The following SGK1 variants were observed in gnomAD, a reference collection of about 807,000 sequenced individuals.
SGK1 encodes serine/threonine-protein kinase Sgk1.
SGK1 carries 26 observed loss-of-function variants against 64.2 expected under a neutral mutation model. That is an observed-to-expected ratio of 0.40 (90% CI 0.30 to 0.56). The LOEUF (loss-of-function observed/expected upper bound fraction) is 0.56, where lower values mean the gene tolerates loss of function less well. Ranked by LOEUF, SGK1 falls within the 20% of genes least tolerant of loss-of-function variation. The probability of loss-of-function intolerance (pLI) is 0.38; values close to 1 mark genes in which losing one functional copy is unlikely to be tolerated. For synonymous variants in SGK1, 265 were observed against 239.7 expected, an observed-to-expected ratio of 1.11 and a Z score of -0.98; for missense variants, 519 against 645.6, an observed-to-expected ratio of 0.80 and a Z score of 2.12.
At chr6:134,285,121 C>T (rs892930905) in intron 1 of SGK1, among the ~76,000 whole-genome samples, 1 of 151,912 alleles carries the variant, frequency 6.6e-6, no homozygotes, top group Non-Finnish European at 1.5e-5. Context: ...CTACTGTTTT[C>T]CATAGTGGTT....
At chr6:134,294,089 AAAC>A (rs1456626165) in intron 1 of SGK1, among the ~76,000 whole-genome samples, 1 of 152,188 alleles carries the variant, frequency 6.6e-6, no homozygotes, top group African/African-American at 2.4e-5. Context: ...TCCTGAGCAA[AAAC>A]AACAGCAAAG....
intron 3 of SGK1, among the ~76,000 whole-genome samples, chr6:134,199,142 A>G (rs1181725899): frequency 1.3e-5 from 2 of 152,188 alleles, no homozygotes; most frequent in East Asian, 1.9e-4. Flanking sequence ...AACAACAGAC[A>G]CTATGGTTTA....
intron 1 of SGK1, among the ~76,000 whole-genome samples, chr6:134,308,648 C>T (rs1777568967): frequency 6.6e-6 from 1 of 152,122 alleles, no homozygotes; most frequent in Non-Finnish European, 1.5e-5. Context: ...CCTCCACCCC[C>T]CGGGTTCAAG....
chr6:134,244,020 C>G (rs976514616), intron 2 of SGK1, among the ~76,000 whole-genome samples: 1 of 151,888 alleles, frequency 6.6e-6, no homozygotes. Flanking sequence ...GATACATGTG[C>G]AGAACATGCA....
chr6:134,199,296 C>A (rs1220417836), intron 3 of SGK1, among the ~76,000 whole-genome samples: 1 of 152,126 alleles, frequency 6.6e-6, no homozygotes, highest in Admixed American at 6.5e-5. Flanking sequence ...TGGTGGCTCA[C>A]GCCTGTAATC....
intron 1 of SGK1, among the ~76,000 whole-genome samples, chr6:134,293,064 A>G (rs190413400): frequency 3.9e-5 from 6 of 152,342 alleles, no homozygotes; most frequent in Non-Finnish European, 7.3e-5. Context: ...TGTGTGCCAT[A>G]AAAGACACGA....
chr6:134,247,041 A>G (rs1776535578), intron 2 of SGK1, among the ~76,000 whole-genome samples: 1 of 152,028 alleles, frequency 6.6e-6, no homozygotes, highest in Non-Finnish European at 1.5e-5. Context: ...ATAGCAAGTA[A>G]TATGCCCAGA....
At chr6:134,273,512 G>T (rs1478272857) in intron 1 of SGK1, among the ~76,000 whole-genome samples, 7 of 141,502 alleles carry the variant, frequency 4.9e-5, no homozygotes, top group African/African-American at 1.5e-4. Context: ...AGAATGGCGT[G>T]AACCCGGGAG....
intron 5 of SGK1, 123 bp downstream of exon 5, chr6:134,173,882 C>T: frequency 1.4e-6 from 1 of 690,762 alleles, no homozygotes; most frequent in Non-Finnish European, 2.5e-6. Flanking sequence ...CTTGTTATGC[C>T]ATAATGAAGC....
At chr6:134,268,435 G>T (rs1776887623) in intron 1 of SGK1, among the ~76,000 whole-genome samples, 1 of 152,074 alleles carries the variant, frequency 6.6e-6, no homozygotes, top group African/African-American at 2.4e-5. Flanking sequence ...AATAAATCAA[G>T]AATTCCCAGG....
At chr6:134,197,206 C>T (rs1339503848) in intron 3 of SGK1, among the ~76,000 whole-genome samples, 1 of 152,136 alleles carries the variant, frequency 6.6e-6, no homozygotes, top group Non-Finnish European at 1.5e-5. Context: ...GCACTCCAGC[C>T]TGGGTGACAA....
Position 134,247,796 on chromosome 6 carries a change from G to C in SGK1, c.285+14137C>G, listed in dbSNP as rs545936030. ...ATTTATGCCATTCACTAAAATTATA[G>C]ATAATTTCAGCCTGTGCATTTGCAA... On this transcript the variant is annotated intron_variant, in intron 2 of 13. Transcript: ENST00000367858. 3.3e-5 allele frequency among the ~76,000 whole-genome samples: 5 copies of C among 152,224 alleles called. 1 individual carries two copies. In the East Asian group the frequency reaches 5.8e-4, roughly 18 times the overall value.
intron 2 of SGK1, chr6:134,218,899 T>C (rs1776033227): frequency 6.6e-6 from 1 of 152,212 alleles, no homozygotes; most frequent in Non-Finnish European, 1.5e-5. Context: ...TGATGGCACA[T>C]CTGCATTTTT....
At chr6:134,232,453 A>AAG (rs1302399865) in intron 2 of SGK1, among the ~76,000 whole-genome samples, 1 of 60,196 alleles carries the variant, frequency 1.7e-5, no homozygotes, top group African/African-American at 5.3e-5. Context: ...GAAAGAAAGA[A>AAG]AGAAAGAAAG....
intron 1 of SGK1, among the ~76,000 whole-genome samples, chr6:134,269,671 A>AAG (rs1554226249): frequency 2.7e-5 from 4 of 146,534 alleles, no homozygotes; most frequent in African/African-American, 7.3e-5. Flanking sequence ...AAAAAAAAAA[A>AAG]AGAGAGAGAG....
intron 1 of SGK1, among the ~76,000 whole-genome samples, chr6:134,304,049 C>T (rs1030856998): frequency 4.6e-5 from 7 of 152,162 alleles, no homozygotes; most frequent in African/African-American, 1.7e-4. Flanking sequence ...CCATCTAAGT[C>T]TATCTTAAGA....
intron 2 of SGK1, among the ~76,000 whole-genome samples, chr6:134,237,319 C>A (rs915507245): frequency 4.6e-5 from 7 of 151,734 alleles, no homozygotes; most frequent in African/African-American, 7.2e-5. Context: ...GGCCTCCCAA[C>A]GTGCTAAGAT....
intron 1 of SGK1, chr6:134,298,022 CTCCCGA>C: frequency 1.1e-6 from 1 of 902,516 alleles, no homozygotes; most frequent in Admixed American, 1.7e-5. Flanking sequence ...GGGACTGCAG[CTCCCGA>C]TCTCTTCATA....
At chr6:134,176,936 C>T (rs1397094155) in intron 3 of SGK1, among the ~76,000 whole-genome samples, 1 of 152,220 alleles carries the variant, frequency 6.6e-6, no homozygotes, top group Non-Finnish European at 1.5e-5. Flanking sequence ...TTTACTGGGG[C>T]CGGGCGCAGT....
Sources: gnomAD v4.1 joint callset for allele counts (sites outside exome capture counted in the v4.1 genomes callset) on GRCh38, gnomAD v4.1.1 for gene constraint, MANE v1.5 for transcripts, NCBI Gene and HGNC (gene_info 2026-07-23, HGNC 2026-07-21) for gene names.